CIMIP6: variants seen among roughly 807,000 people sequenced by gnomAD.
CIMIP6 encodes uncharacterized protein C2orf73.
the CIMIP6 span, among the ~76,000 whole-genome samples, chr2:54,348,075 T>G: frequency 0.01 from 1,573 of 152,340 alleles, 31 homozygotes; most frequent in African/African-American, 0.036. Context: ...GAAATGCACA[T>G]TGAATTTGCC....
the CIMIP6 span, among the ~76,000 whole-genome samples, chr2:54,368,379 G>C: frequency 6.6e-6 from 1 of 152,198 alleles, no homozygotes; most frequent in Non-Finnish European, 1.5e-5. Flanking sequence ...CACTGAGCTA[G>C]AAGGACAAAA....
chr2:54,371,534 C>A, the CIMIP6 span, among the ~76,000 whole-genome samples: 1 of 152,198 alleles, frequency 6.6e-6, no homozygotes, highest in Non-Finnish European at 1.5e-5. Context: ...CTATACCCCA[C>A]CCCCACTCCA....
chr2:54,370,595 T>G, the CIMIP6 span, among the ~76,000 whole-genome samples: 1 of 152,218 alleles, frequency 6.6e-6, no homozygotes, highest in Admixed American at 6.5e-5. Context: ...ATCTGAGTAG[T>G]TCTGCCTAGT....
the CIMIP6 span, among the ~76,000 whole-genome samples, chr2:54,350,289 A>G: frequency 6.6e-6 from 1 of 152,230 alleles, no homozygotes; most frequent in Non-Finnish European, 1.5e-5. Flanking sequence ...AGCTACCTCA[A>G]ATTTAATTGC....
At chr2:54,335,306 C>G in the CIMIP6 span, among the ~76,000 whole-genome samples, 1 of 151,998 alleles carries the variant, frequency 6.6e-6, no homozygotes, top group Non-Finnish European at 1.5e-5. Flanking sequence ...CATGTATTTA[C>G]GATATATATT....
the CIMIP6 span, among the ~76,000 whole-genome samples, chr2:54,337,441 G>T: frequency 2.5e-4 from 38 of 152,118 alleles, no homozygotes; most frequent in African/African-American, 9.2e-4. Flanking sequence ...ACCTACACTG[G>T]GGAAATTAAT....
At chr2:54,375,905 T>TGTGTGTGTGA in the CIMIP6 span, among the ~76,000 whole-genome samples, 1 of 152,074 alleles carries the variant, frequency 6.6e-6, no homozygotes, top group East Asian at 1.9e-4. Flanking sequence ...TGTGTGTGTG[T>TGTGTGTGTGA]GACGTTTTGG....
chr2:54,382,127 C>T, the CIMIP6 span: 3 of 1,085,802 alleles, frequency 2.8e-6, no homozygotes, highest in Middle Eastern at 3.1e-4. Context: ...GAAATGTGAA[C>T]AATGAAAGAC....
the CIMIP6 span, among the ~76,000 whole-genome samples, chr2:54,373,411 C>A: frequency 6.6e-6 from 1 of 152,086 alleles, no homozygotes; most frequent in South Asian, 2.1e-4. Context: ...AGAAGCTCCC[C>A]CTCCAACCCC....
At chr2:54,334,479 A>G in the CIMIP6 span, among the ~76,000 whole-genome samples, 1 of 152,240 alleles carries the variant, frequency 6.6e-6, no homozygotes, top group Non-Finnish European at 1.5e-5. Flanking sequence ...AGTTAACTAT[A>G]GCGTGTAACT....
the CIMIP6 span, among the ~76,000 whole-genome samples, chr2:54,371,856 C>T: frequency 7.9e-5 from 12 of 152,214 alleles, no homozygotes; most frequent in Admixed American, 2.6e-4. Context: ...AGCAGGTTTC[C>T]GAAGTCACGG....
At chr2:54,345,085 G>T in the CIMIP6 span, among the ~76,000 whole-genome samples, 1 of 152,056 alleles carries the variant, frequency 6.6e-6, no homozygotes, top group Non-Finnish European at 1.5e-5. Flanking sequence ...GAAAATGTAG[G>T]GAGGCAAAAT....
the CIMIP6 span, among the ~76,000 whole-genome samples, chr2:54,364,130 A>G: frequency 6.6e-6 from 1 of 152,332 alleles, no homozygotes; most frequent in East Asian, 1.9e-4. Context: ...TCCAGGTTTA[A>G]GTCTCTATTT....
the CIMIP6 span, chr2:54,340,047 A>G: frequency 1.2e-5 from 1 of 84,826 alleles, no homozygotes; most frequent in African/African-American, 4.4e-5. Flanking sequence ...GCCTTCCCAG[A>G]GCTGCAGGTT....
chr2:54,374,189 T>G, the CIMIP6 span, among the ~76,000 whole-genome samples: 2 of 152,234 alleles, frequency 1.3e-5, no homozygotes, highest in Non-Finnish European at 2.9e-5. Context: ...CCATAGTAAC[T>G]GATTTTCCCA....
At chr2:54,378,283 A>T in the CIMIP6 span, among the ~76,000 whole-genome samples, 1 of 152,230 alleles carries the variant, frequency 6.6e-6, no homozygotes, top group Non-Finnish European at 1.5e-5. Context: ...TTACCAACGC[A>T]GGATAACCAG....
At chr2:54,372,429 G>A in the CIMIP6 span, among the ~76,000 whole-genome samples, 3 of 152,168 alleles carry the variant, frequency 2.0e-5, no homozygotes, top group South Asian at 6.2e-4. Context: ...ACGGCCTCAG[G>A]CTTTTTGAAG....
the CIMIP6 span, among the ~76,000 whole-genome samples, chr2:54,333,270 C>T: frequency 6.6e-6 from 1 of 152,134 alleles, no homozygotes; most frequent in Admixed American, 6.5e-5. Flanking sequence ...GAACAAAGTA[C>T]TAAAATAGAG....
the CIMIP6 span, among the ~76,000 whole-genome samples, chr2:54,373,423 C>A: frequency 2.0e-5 from 3 of 152,128 alleles, no homozygotes; most frequent in African/African-American, 7.2e-5. Context: ...TCCAACCCCG[C>A]AGCACAAATA....
Sources: gnomAD v4.1 joint callset for allele counts (sites outside exome capture counted in the v4.1 genomes callset) on GRCh38, gnomAD v4.1.1 for gene constraint, MANE v1.5 for transcripts, NCBI Gene and HGNC (gene_info 2026-07-23, HGNC 2026-07-21) for gene names.